Variants in DOCK7 observed in about 807,000 individuals in gnomAD.
DOCK7 encodes dedicator of cytokinesis 7, also known as dedicator of cytokinesis protein 7.
A neutral mutation model predicts 271.0 loss-of-function variants in DOCK7; 138 were observed. The ratio of observed to expected loss-of-function variants is 0.51; its 90% CI spans 0.44 to 0.59. The LOEUF (loss-of-function observed/expected upper bound fraction) is 0.59, where lower values mean the gene tolerates loss of function less well. Ranked by LOEUF, DOCK7 falls within the 20% of genes least tolerant of loss-of-function variation. The probability of loss-of-function intolerance (pLI) is 0.00; values close to 1 mark genes in which losing one functional copy is unlikely to be tolerated. For synonymous variants in DOCK7, 823 were observed against 876.1 expected (o/e 0.94, Z 1.07); for missense variants, 2,066 against 2,592.4 (o/e 0.80, Z 4.41).
intron 48 of DOCK7, among the ~76,000 whole-genome samples, chr1:62,461,962 T>C (rs1272998751): frequency 6.6e-6 from 1 of 151,488 alleles, no homozygotes; most frequent in Non-Finnish European, 1.5e-5. Context: ...TCCCAGCTAC[T>C]TGGGAGGCTG....
rs193094848 is a variant in DOCK7, at chr1:62,591,851, T to G, written c.1683-5227A>C. On this transcript the variant is annotated intron_variant, in intron 14 of 49. Coordinates refer to ENST00000635253, the MANE Select transcript of DOCK7 (RefSeq NM_001367561.1). The stretch of plus-strand genomic sequence containing the variant: ...TGTTCATTTATGTATTACTTCTTAT[T>G]TTTATATCTCCTCTAATACAGCCAA... 2.6e-5 allele frequency among the ~76,000 whole-genome samples: 4 copies of G among 152,336 alleles called. No homozygotes were observed. In the East Asian group the frequency reaches 7.7e-4, roughly 29 times the overall value.
intron 21 of DOCK7, chr1:62,555,209 A>G (rs1407586605): frequency 6.6e-6 from 1 of 152,198 alleles, no homozygotes; most frequent in Admixed American, 6.6e-5. Context: ...ATATTATTTC[A>G]CTGACCACGA....
At chr1:62,465,218 T>C (rs189300099) in intron 48 of DOCK7, among the ~76,000 whole-genome samples, 26 of 152,356 alleles carry the variant, frequency 1.7e-4, no homozygotes, top group Admixed American at 1.3e-4. Context: ...TGAGCAGTTG[T>C]TGCTGCAGTA....
chr1:62,625,555 A>G (rs1344872075), intron 11 of DOCK7, among the ~76,000 whole-genome samples, 154 bp from the exon 12 acceptor site: 1 of 152,196 alleles, frequency 6.6e-6, no homozygotes, highest in Non-Finnish European at 1.5e-5. Context: ...AGAGATTAGT[A>G]AGAAAGTACC....
intron 7 of DOCK7, among the ~76,000 whole-genome samples, chr1:62,640,713 GT>G (rs1655917822): frequency 6.6e-6 from 1 of 152,090 alleles, no homozygotes; most frequent in East Asian, 1.9e-4. Flanking sequence ...TCCCCCATGC[GT>G]TGTTTCACAT....
intron 7 of DOCK7, among the ~76,000 whole-genome samples, chr1:62,646,821 T>C (rs1440525951): frequency 1.3e-5 from 2 of 152,218 alleles, no homozygotes; most frequent in East Asian, 1.9e-4. Context: ...TAGACAGTAA[T>C]GACAGCTGTG....
At chr1:62,578,757 A>G in intron 17 of DOCK7, 71 bp downstream of exon 17, 2 of 1,270,884 alleles carry the variant, frequency 1.6e-6, no homozygotes, top group African/African-American at 1.6e-5. Context: ...ATGACCAGAA[A>G]TATCAATTAT....
chr1:62,577,175 T>A, intron 18 of DOCK7, 87 bp downstream of exon 18: 1 of 727,936 alleles, frequency 1.4e-6, no homozygotes, highest in Non-Finnish European at 2.1e-6. Flanking sequence ...GTAGAAGAAA[T>A]GGCAAGAGTT....
chr1:62,460,346 A>T (rs537510347), intron 48 of DOCK7, among the ~76,000 whole-genome samples: 11 of 152,276 alleles, frequency 7.2e-5, no homozygotes, highest in Admixed American at 2.0e-4. Context: ...AATAATAATT[A>T]AAAAAACTGT....
chr1:62,620,509 CACT>C (rs1332794820), intron 12 of DOCK7, among the ~76,000 whole-genome samples: 2 of 151,582 alleles, frequency 1.3e-5, no homozygotes, highest in African/African-American at 2.4e-5. Flanking sequence ...TTAATAATAC[CACT>C]GTCTTTTTTC....
At chr1:62,636,317 C>T (rs1486812113) in intron 8 of DOCK7, among the ~76,000 whole-genome samples, 1 of 152,096 alleles carries the variant, frequency 6.6e-6, no homozygotes, top group African/African-American at 2.4e-5. Context: ...GTTGCTTCTG[C>T]TATTTGCTTT....
chr1:62,648,498 GT>G lies in DOCK7; in HGVS notation c.435del (p.Lys145AsnfsTer39). On this transcript the variant is annotated frameshift_variant, in exon 5 of 50. Transcript: ENST00000635253. LOFTEE classifies it high-confidence loss of function. ...GGCAAACCTTTTTGCCTTTCTTTCT[GT>G]TTATCTAATGTATTGGGATTAAATC... is the stretch of plus-strand genomic sequence containing the variant. Reference protein sequence around the residue: ...GTGFNPNTLDKQKERQKGLPK... With the variant: ...GTGFNPNTLDXQKERQKGLPK... 1 of 1,493,952 alleles carries G rather than the reference GT, an allele frequency of 6.7e-7. No homozygotes were observed. The highest frequency in any genetic ancestry group is 9.0e-7 in the Non-Finnish European group (1 of 1,108,100). 92.5% of individuals were successfully genotyped at this position (1,493,952 alleles called of 1,614,324 possible).
chr1:62,459,439 C>G (rs1380440276), intron 48 of DOCK7, among the ~76,000 whole-genome samples: 2 of 151,964 alleles, frequency 1.3e-5, no homozygotes, highest in Non-Finnish European at 2.9e-5. Context: ...TGGAGTTTCT[C>G]CATGTTGGCC....
At chr1:62,543,798 T>C (rs983549247) in intron 23 of DOCK7, 53 bp from the exon 24 acceptor site, 80 of 1,318,784 alleles carry the variant, frequency 6.1e-5, no homozygotes, top group Non-Finnish European at 8.0e-5. Context: ...TTGCAGTGGA[T>C]GACTTTGCAG....
intron 14 of DOCK7, chr1:62,597,435 A>G: frequency 1.1e-6 from 1 of 897,894 alleles, no homozygotes; most frequent in South Asian, 1.8e-5. Flanking sequence ...ACACGGCTTA[A>G]TGATTAACTA....
intron 21 of DOCK7, among the ~76,000 whole-genome samples, chr1:62,554,288 C>A (rs567560809): frequency 6.6e-6 from 1 of 151,820 alleles, no homozygotes; most frequent in East Asian, 1.9e-4. Context: ...CTGGCTAACA[C>A]AGTGAAACCC....
chr1:62,579,917 T>C (rs1188936625), intron 16 of DOCK7, among the ~76,000 whole-genome samples: 2 of 152,004 alleles, frequency 1.3e-5, no homozygotes, highest in Non-Finnish European at 1.5e-5. Flanking sequence ...ACATCAAATA[T>C]CTTGTTTGAC....
At chr1:62,582,238 CAA>C (rs1647149293) in intron 16 of DOCK7, among the ~76,000 whole-genome samples, 1 of 152,112 alleles carries the variant, frequency 6.6e-6, no homozygotes, top group African/African-American at 2.4e-5. Context: ...TAAATGAAGG[CAA>C]AGTGTTAAAA....
At chr1:62,525,901 G>C (rs1430897750) in intron 31 of DOCK7, among the ~76,000 whole-genome samples, 1 of 152,190 alleles carries the variant, frequency 6.6e-6, no homozygotes, top group African/African-American at 2.4e-5. Flanking sequence ...TACAAATCCA[G>C]AATACATAAA....
Sources: gnomAD v4.1 joint callset for allele counts (sites outside exome capture counted in the v4.1 genomes callset) on GRCh38, gnomAD v4.1.1 for gene constraint, MANE v1.5 for transcripts, NCBI Gene and HGNC (gene_info 2026-07-23, HGNC 2026-07-21) for gene names.